Variants in TGFBR3 observed in about 807,000 individuals in gnomAD.
TGFBR3 encodes the protein transforming growth factor beta receptor type 3.
In TGFBR3, 46 loss-of-function variants were observed where a neutral mutation model predicts 87.9. The ratio of observed to expected loss-of-function variants is 0.52; its 90% confidence interval spans 0.41 to 0.67. The LOEUF (loss-of-function observed/expected upper bound fraction) is 0.67. TGFBR3 is among the 30% of genes least tolerant of loss of function. TGFBR3 has a pLI of 0.00. For synonymous variants in TGFBR3, 381 were observed against 391.6 expected, an observed-to-expected ratio of 0.97 and a Z score of 0.32; for missense variants, 866 against 1,041.9, an observed-to-expected ratio of 0.83 and a Z score of 2.32.
intron 2 of TGFBR3, among the ~76,000 whole-genome samples, chr1:91,825,965 T>G (rs1571548331): frequency 1.1e-5 from 1 of 94,160 alleles, no homozygotes; most frequent in Non-Finnish European, 2.1e-5. Context: ...TGGGTGAGAG[T>G]GAGACCCCAT....
intron 16 of TGFBR3, among the ~76,000 whole-genome samples, chr1:91,685,766 G>A (rs749357683): frequency 2.0e-5 from 3 of 152,114 alleles, no homozygotes; most frequent in Non-Finnish European, 4.4e-5. Flanking sequence ...ACTTTCCCCA[G>A]AGTAGGAGCT....
chr1:91,761,454 A>G (rs1004439038), intron 3 of TGFBR3, among the ~76,000 whole-genome samples: 4 of 152,212 alleles, frequency 2.6e-5, no homozygotes, highest in African/African-American at 9.6e-5. Flanking sequence ...GAGCCCCAAA[A>G]GCCATTTGGC....
chr1:91,834,910 C>A (rs1677001313), intron 2 of TGFBR3, among the ~76,000 whole-genome samples: 1 of 152,164 alleles, frequency 6.6e-6, no homozygotes, highest in African/African-American at 2.4e-5. Context: ...AAACTCCTGA[C>A]CTCCGGTGAT....
At chr1:91,770,815 A>C (rs1342920998) in intron 3 of TGFBR3, 3 of 152,166 alleles carry the variant, frequency 2.0e-5, no homozygotes, top group South Asian at 2.1e-4. Context: ...ATACAACAAC[A>C]ACCATGTGAT....
chr1:91,721,850 G>A (rs1672377048), intron 8 of TGFBR3, 105 bp downstream of exon 8: 1 of 1,064,304 alleles, frequency 9.4e-7, no homozygotes, highest in South Asian at 1.5e-5. Context: ...TTATTAAAAT[G>A]TACAAGAGAA....
At chr1:91,735,090 G>A (rs1246886210) in intron 4 of TGFBR3, 131 bp from the exon 5 acceptor site, 35 of 1,083,120 alleles carry the variant, frequency 3.2e-5, no homozygotes, top group East Asian at 3.0e-4. Context: ...GCAGATCAGC[G>A]TTTTTAAGCA....
chr1:91,690,235 G>T (rs1470390252), intron 16 of TGFBR3, among the ~76,000 whole-genome samples: 1 of 152,168 alleles, frequency 6.6e-6, no homozygotes, highest in Non-Finnish European at 1.5e-5. Flanking sequence ...ATGAGAAGCA[G>T]AATAGTTCTC....
At chr1:91,683,980 G>A (rs1001374915) in intron 16 of TGFBR3, 123 bp from the exon 17 acceptor site, 2 of 835,414 alleles carry the variant, frequency 2.4e-6, no homozygotes, top group Admixed American at 2.0e-5. Flanking sequence ...CAGGGCAGAA[G>A]CAACTAGACT....
intron 3 of TGFBR3, chr1:91,786,195 A>G: frequency 2.2e-6 from 1 of 456,262 alleles, no homozygotes; most frequent in South Asian, 1.5e-5. Flanking sequence ...CCTAGCACAC[A>G]GTGGGTTCTT....
intron 3 of TGFBR3, among the ~76,000 whole-genome samples, chr1:91,789,170 G>A (rs1267330225): frequency 1.3e-5 from 2 of 152,204 alleles, no homozygotes; most frequent in African/African-American, 4.8e-5. Context: ...AGCTGGGCAT[G>A]GTGGCGTATG....
intron 3 of TGFBR3, among the ~76,000 whole-genome samples, chr1:91,779,771 T>C (rs1674698179): frequency 6.6e-6 from 1 of 152,182 alleles, no homozygotes; most frequent in Admixed American, 6.5e-5. Flanking sequence ...TTTCCCATAC[T>C]GCTGTAACAA....
chr1:91,860,263 A>G (rs1678129740), intron 2 of TGFBR3, among the ~76,000 whole-genome samples: 1 of 152,200 alleles, frequency 6.6e-6, no homozygotes. Flanking sequence ...ATTCATTTTT[A>G]TATTCTTTAA....
At chr1:91,822,531 A>G (rs1407109921) in intron 2 of TGFBR3, among the ~76,000 whole-genome samples, 1 of 151,888 alleles carries the variant, frequency 6.6e-6, no homozygotes, top group Non-Finnish European at 1.5e-5. Flanking sequence ...ACTCTCTTTC[A>G]CTTCTCACAG....
intron 2 of TGFBR3, among the ~76,000 whole-genome samples, chr1:91,847,793 G>C (rs189397692): frequency 6.6e-6 from 1 of 151,822 alleles, no homozygotes; most frequent in Non-Finnish European, 1.5e-5. Context: ...TCTCATTACC[G>C]AAGAGTCCCT....
At chr1:91,856,541 A>T (rs2101169048) in intron 2 of TGFBR3, among the ~76,000 whole-genome samples, 1 of 152,180 alleles carries the variant, frequency 6.6e-6, no homozygotes, top group Middle Eastern at 3.4e-3. Flanking sequence ...TATTATTCTA[A>T]CTTGGGCTCA....
chr1:91,827,917 T>C (rs1676703600), intron 2 of TGFBR3, among the ~76,000 whole-genome samples: 1 of 152,226 alleles, frequency 6.6e-6, no homozygotes, highest in African/African-American at 2.4e-5. Flanking sequence ...AAGGTAGTTA[T>C]GGCCAGCACA....
chr1:91,743,531 T>C (rs1286505630), intron 4 of TGFBR3, among the ~76,000 whole-genome samples: 3 of 152,246 alleles, frequency 2.0e-5, no homozygotes, highest in Non-Finnish European at 4.4e-5. Flanking sequence ...CTTTACATTT[T>C]ATTTCTACAG....
chr1:91,729,534 C>A (rs768591533), intron 6 of TGFBR3, among the ~76,000 whole-genome samples: 8 of 152,162 alleles, frequency 5.3e-5, no homozygotes, highest in Non-Finnish European at 7.4e-5. Flanking sequence ...TTCAGGAATT[C>A]ATCTGAAATA....
chr1:91,764,332 A>C (rs993039610), intron 3 of TGFBR3, among the ~76,000 whole-genome samples: 33 of 148,906 alleles, frequency 2.2e-4, no homozygotes, highest in African/African-American at 7.8e-4. Flanking sequence ...AAAAAAAAAA[A>C]AAAAAAACCT....
Sources: allele counts gnomAD v4.1 joint callset (sites outside exome capture counted in the v4.1 genomes callset), GRCh38; gene constraint gnomAD v4.1.1; transcripts MANE v1.5; gene names NCBI Gene and HGNC (gene_info 2026-07-23, HGNC 2026-07-21).